SLC24A3: variants seen among roughly 807,000 people sequenced by gnomAD.
SLC24A3 encodes solute carrier family 24 member 3.
Under a neutral mutation model 75.8 loss-of-function variants are expected in SLC24A3, and 28 were observed. The ratio of observed to expected loss-of-function variants is 0.37; its 90% CI spans 0.27 to 0.51. The LOEUF (loss-of-function observed/expected upper bound fraction) is 0.51, where lower values mean the gene tolerates loss of function less well. Among genes scored for constraint, SLC24A3 ranks in the 20% least tolerant of loss-of-function variants. The pLI, the probability that SLC24A3 is intolerant of heterozygous loss-of-function variation, is 0.94. For missense variants in SLC24A3, 663 were observed against 847.8 expected (o/e 0.78, Z 2.71); for synonymous variants, 372 against 334.1 (o/e 1.11, Z -1.24).
intron 3 of SLC24A3, among the ~76,000 whole-genome samples, chr20:19,570,766 C>T (rs1453867677): frequency 6.6e-6 from 1 of 152,020 alleles, no homozygotes; most frequent in Non-Finnish European, 1.5e-5. Flanking sequence ...CAGGTTTTGC[C>T]AGTATTACTG....
chr20:19,261,516 A>G (rs1982987034), intron 1 of SLC24A3, among the ~76,000 whole-genome samples: 1 of 151,434 alleles, frequency 6.6e-6, no homozygotes, highest in Non-Finnish European at 1.5e-5. Flanking sequence ...TTTTTTTTTA[A>G]TGATTTTTTT....
rs1228044385 is a variant in SLC24A3, at chr20:19,457,463, TA to T, written c.272-58021del. Among the ~76,000 whole-genome samples, 6 of 152,242 alleles carry T rather than the reference TA, an allele frequency of 3.9e-5. 1 individual carries two copies. The highest frequency in any genetic ancestry group is 2.0e-4 in the Admixed American group (3 of 15,282). On this transcript the variant is annotated intron_variant, in intron 2 of 16. Coordinates refer to ENST00000328041, the MANE Select transcript of SLC24A3 (RefSeq NM_020689.4). ...GATGAAAATGCTTTATTGAATTCCA[TA>T]AAAGAAAATAGTATTTTTACAATTT...
At chr20:19,563,706 C>T (rs2030914098) in intron 3 of SLC24A3, among the ~76,000 whole-genome samples, 1 of 152,124 alleles carries the variant, frequency 6.6e-6, no homozygotes, top group Non-Finnish European at 1.5e-5. Flanking sequence ...CTGGTAGCAG[C>T]AATGTCCATC....
chr20:19,381,804 A>G (rs1986187520), intron 2 of SLC24A3, among the ~76,000 whole-genome samples: 1 of 152,206 alleles, frequency 6.6e-6, no homozygotes, highest in African/African-American at 2.4e-5. Context: ...AGCAAGGTGT[A>G]GTATTATCGT....
At chr20:19,247,477 C>T (rs1323401362) in intron 1 of SLC24A3, among the ~76,000 whole-genome samples, 2 of 152,042 alleles carry the variant, frequency 1.3e-5, no homozygotes, top group Non-Finnish European at 1.5e-5. Context: ...GGGTGTAATC[C>T]TGAGGTAGTA....
chr20:19,474,699 T>C (rs184879474), intron 2 of SLC24A3, among the ~76,000 whole-genome samples: 10 of 152,346 alleles, frequency 6.6e-5, no homozygotes, highest in African/African-American at 2.4e-4. Flanking sequence ...AATTAACATA[T>C]TCATCACCTC....
At chr20:19,457,422 C>T (rs962885458) in intron 2 of SLC24A3, among the ~76,000 whole-genome samples, 2 of 152,200 alleles carry the variant, frequency 1.3e-5, no homozygotes, top group Non-Finnish European at 2.9e-5. Flanking sequence ...TTATAGTCTA[C>T]TTACTTTTCA....
chr20:19,304,528 C>G (rs1256837493), intron 2 of SLC24A3, among the ~76,000 whole-genome samples: 1 of 152,166 alleles, frequency 6.6e-6, no homozygotes, highest in Non-Finnish European at 1.5e-5. Context: ...AGTTGATAAG[C>G]TCCTCTCCCT....
intron 2 of SLC24A3, among the ~76,000 whole-genome samples, chr20:19,397,647 CTTTTTTTTTTTTTT>C (rs3057518): frequency 8.5e-6 from 1 of 117,106 alleles, no homozygotes; most frequent in South Asian, 2.9e-4. Flanking sequence ...TTTTTCTTTT[CTTTTTTTTTTTTTT>C]TTTTTTGAGT....
intron 1 of SLC24A3, among the ~76,000 whole-genome samples, chr20:19,262,399 C>T (rs1451138717): frequency 1.5e-4 from 18 of 120,738 alleles, no homozygotes; most frequent in African/African-American, 3.6e-4. Flanking sequence ...AGCGAGACTC[C>T]GTCTCAAAAA....
intron 3 of SLC24A3, among the ~76,000 whole-genome samples, chr20:19,578,865 G>T (rs887030014): frequency 6.6e-6 from 1 of 152,092 alleles, no homozygotes; most frequent in Non-Finnish European, 1.5e-5. Context: ...TTATCCGGGG[G>T]CTTAGGTTTT....
chr20:19,589,866 G>A (rs1040158352), intron 6 of SLC24A3, among the ~76,000 whole-genome samples: 5 of 152,120 alleles, frequency 3.3e-5, no homozygotes, highest in African/African-American at 7.2e-5. Context: ...AGATGGCAAA[G>A]AGTCTATTGT....
chr20:19,471,598 A>G (rs1987872191), intron 2 of SLC24A3, among the ~76,000 whole-genome samples: 1 of 152,182 alleles, frequency 6.6e-6, no homozygotes, highest in African/African-American at 2.4e-5. Context: ...AGACAAGGAC[A>G]TTTAACAACT....
At chr20:19,228,438 G>C (rs1600383471) in intron 1 of SLC24A3, among the ~76,000 whole-genome samples, 2 of 152,132 alleles carry the variant, frequency 1.3e-5, no homozygotes, top group Admixed American at 6.5e-5. Flanking sequence ...AGGAGATCAA[G>C]ACCATCCTGG....
chr20:19,281,513 G>A (rs1335239342), intron 2 of SLC24A3, among the ~76,000 whole-genome samples: 3 of 152,170 alleles, frequency 2.0e-5, no homozygotes, highest in South Asian at 2.1e-4. Context: ...CGTCACTCAC[G>A]ATGTTGAACT....
At chr20:19,523,037 C>T (rs768157059) in intron 3 of SLC24A3, among the ~76,000 whole-genome samples, 2 of 152,012 alleles carry the variant, frequency 1.3e-5, no homozygotes, top group Non-Finnish European at 1.5e-5. Flanking sequence ...ATGTGGAAAA[C>T]CCAAAAAATC....
chr20:19,599,222 T>C (rs1045159471), intron 6 of SLC24A3, among the ~76,000 whole-genome samples: 1 of 152,228 alleles, frequency 6.6e-6, no homozygotes, highest in Non-Finnish European at 1.5e-5. Flanking sequence ...GTTCTTGATC[T>C]CTGTGGGGCA....
chr20:19,546,221 C>CTTCTCCAGGACGCATCT (rs1568651749), intron 3 of SLC24A3, among the ~76,000 whole-genome samples: 6 of 145,952 alleles, frequency 4.1e-5, no homozygotes, highest in African/African-American at 1.5e-4. Context: ...CTTAGTGCTC[C>CTTCTCCAGGACGCATCT]CTTCTCCAGG....
At chr20:19,593,124 C>T (rs2031402887) in intron 6 of SLC24A3, among the ~76,000 whole-genome samples, 1 of 152,156 alleles carries the variant, frequency 6.6e-6, no homozygotes, top group Non-Finnish European at 1.5e-5. Context: ...ACAAGTTGCC[C>T]AGAGTCTTAC....
Sources: allele counts gnomAD v4.1 joint callset (sites outside exome capture counted in the v4.1 genomes callset), GRCh38; gene constraint gnomAD v4.1.1; transcripts MANE v1.5; gene names NCBI Gene and HGNC (gene_info 2026-07-23, HGNC 2026-07-21).